CWC27: variants seen among roughly 807,000 people sequenced by gnomAD.
The protein encoded by CWC27 is CWC27 spliceosome associated cyclophilin, also known as spliceosome-associated protein CWC27 homolog.
CWC27 carries 47 observed loss-of-function variants against 63.6 expected under a neutral mutation model. The ratio of observed to expected loss-of-function variants is 0.74; its 90% CI spans 0.58 to 0.94. The LOEUF (loss-of-function observed/expected upper bound fraction) is 0.94. Among genes scored for constraint, CWC27 ranks in the 40% least tolerant of loss-of-function variants. The probability of loss-of-function intolerance (pLI) is 0.00; values close to 1 mark genes in which losing one functional copy is unlikely to be tolerated. For missense variants in CWC27, 495 were observed against 554.3 expected, an observed-to-expected ratio of 0.89 and a Z score of 1.07; for synonymous variants, 175 against 179.8, an observed-to-expected ratio of 0.97 and a Z score of 0.22.
At chr5:64,847,078 G>T (rs77445941) in intron 10 of CWC27, among the ~76,000 whole-genome samples, 53,187 of 150,838 alleles carry the variant, frequency 0.35, 9,803 homozygotes, top group East Asian at 0.51. Context: ...TGGATTAAAT[G>T]CTCTAATAAA....
intron 13 of CWC27, among the ~76,000 whole-genome samples, chr5:64,986,493 T>C (rs1749431200): frequency 6.6e-6 from 1 of 152,236 alleles, no homozygotes; most frequent in African/African-American, 2.4e-5. Context: ...TTTGTGGTTT[T>C]CTCTTCTTCT....
intron 11 of CWC27, among the ~76,000 whole-genome samples, chr5:64,897,583 G>C (rs1368862986): frequency 6.6e-6 from 1 of 152,076 alleles, no homozygotes; most frequent in African/African-American, 2.4e-5. Flanking sequence ...CACACACCAG[G>C]GTCGGTCAGA....
intron 10 of CWC27, among the ~76,000 whole-genome samples, chr5:64,856,579 G>T (rs2112304609): frequency 6.6e-6 from 1 of 151,814 alleles, no homozygotes; most frequent in South Asian, 2.1e-4. Flanking sequence ...GTGACATTTT[G>T]GAATAAGAAA....
rs534683698 is a variant in CWC27, at chr5:64,828,104, A to G, written c.938+23718A>G. Reference sequence around the variant, plus strand: ...CCCTCTTGGATAAGGCAGGGGGACTATGTATTCTCTAATAATTTTCAGAAT... The same window carrying G: ...CCCTCTTGGATAAGGCAGGGGGACTGTGTATTCTCTAATAATTTTCAGAAT... On this transcript the variant is annotated intron_variant, in intron 10 of 13. Transcript: ENST00000381070. Among the ~76,000 whole-genome samples, 3 of 152,212 alleles carry G rather than the reference A, an allele frequency of 2.0e-5. No homozygotes were observed. In the South Asian group the frequency reaches 6.2e-4, roughly 32 times the overall value.
intron 13 of CWC27, among the ~76,000 whole-genome samples, chr5:65,007,209 G>T (rs1749863154): frequency 6.6e-6 from 1 of 152,146 alleles, no homozygotes; most frequent in African/African-American, 2.4e-5. Context: ...GTCTTATCAT[G>T]AGAAAAATGT....
chr5:64,974,554 C>G (rs553609023), intron 12 of CWC27, among the ~76,000 whole-genome samples: 1 of 152,136 alleles, frequency 6.6e-6, no homozygotes. Context: ...CCCACTGGGT[C>G]CCTCCCATAA....
At chr5:64,882,197 T>C (rs1746955306) in intron 10 of CWC27, among the ~76,000 whole-genome samples, 1 of 152,190 alleles carries the variant, frequency 6.6e-6, no homozygotes, top group African/African-American at 2.4e-5. Context: ...GAAAATGATG[T>C]ACTTCAACAC....
chr5:65,018,284 G>A lies in CWC27; in HGVS notation c.1382G>A (p.Ser461Asn), dbSNP rs749052538. The A allele has an allele frequency of 5.0e-6, 8 of 1,598,690 alleles. No homozygotes were observed. Among genetic ancestry groups the A allele is most frequent in the Non-Finnish European group, 6.8e-6 (8 of 1,175,280 alleles). ...GTGAATAAAAGAAGGAGGGAAGAAA[G>A]CAAAAAGCTGATGAGAGAGAAAAAA... Reference protein sequence around the residue: ...NPVNKRRREESKKLMREKKER... With the variant: ...NPVNKRRREENKKLMREKKER... The change falls in exon 14 of 14, where the codon AGC (serine) becomes AAC (asparagine). Residue 461 changes from serine (S) to asparagine (N), a missense_variant. Transcript: ENST00000381070.
intron 10 of CWC27, among the ~76,000 whole-genome samples, chr5:64,843,189 G>A (rs1745889962): frequency 6.6e-6 from 1 of 152,136 alleles, no homozygotes; most frequent in African/African-American, 2.4e-5. Flanking sequence ...CCAGACATTA[G>A]CTTTATTTGT....
At chr5:64,847,285 G>T (rs1746008238) in intron 10 of CWC27, among the ~76,000 whole-genome samples, 1 of 152,082 alleles carries the variant, frequency 6.6e-6, no homozygotes, top group African/African-American at 2.4e-5. Context: ...CCCATAAAAT[G>T]AGACAAAGGA....
At chr5:64,991,542 T>C (rs1017510556) in intron 13 of CWC27, among the ~76,000 whole-genome samples, 12 of 151,948 alleles carry the variant, frequency 7.9e-5, no homozygotes, top group African/African-American at 2.9e-4. Flanking sequence ...CTGGGCAACA[T>C]AGCAACACAC....
chr5:64,891,751 C>T (rs1004531602), intron 11 of CWC27, among the ~76,000 whole-genome samples: 4 of 150,754 alleles, frequency 2.7e-5, no homozygotes, highest in African/African-American at 7.3e-5. Flanking sequence ...TTGCAGACCT[C>T]CTAGTGTTGC....
At chr5:64,920,865 C>A (rs1176167380) in intron 11 of CWC27, among the ~76,000 whole-genome samples, 3 of 151,788 alleles carry the variant, frequency 2.0e-5, no homozygotes, top group African/African-American at 7.3e-5. Flanking sequence ...GTTAATCTAC[C>A]TAGGGGTCTA....
chr5:64,778,160 G>GT (rs1324328750), intron 2 of CWC27, among the ~76,000 whole-genome samples: 4 of 152,234 alleles, frequency 2.6e-5, no homozygotes, highest in East Asian at 1.9e-4. Context: ...ATATATCTGG[G>GT]TTTTATGGAT....
Position 64,999,914 on chromosome 5 carries a change from CT to C in CWC27, c.1257-18244del, listed in dbSNP as rs549939540. Among the ~76,000 whole-genome samples the C allele has an allele frequency of 9.6e-3, 1,466 of 152,170 alleles. 10 individuals carry two copies. The highest frequency in any genetic ancestry group is 0.016 in the Non-Finnish European group (1,069 of 67,940). On this transcript the variant is annotated intron_variant, in intron 13 of 13. Coordinates refer to ENST00000381070, the MANE Select transcript of CWC27 (RefSeq NM_005869.4). ...TTTACCTTTCTGAGAAACCTCCATA[CT>C]GTTTTCCATGGTGGCTATACTAATT...
chr5:64,845,537 A>G (rs1055971469), intron 10 of CWC27, among the ~76,000 whole-genome samples: 1 of 152,224 alleles, frequency 6.6e-6, no homozygotes, highest in Non-Finnish European at 1.5e-5. Flanking sequence ...AATAGAAACA[A>G]TATAAAAGAA....
chr5:64,839,585 G>A (rs111565859), intron 10 of CWC27, among the ~76,000 whole-genome samples: 1,649 of 152,286 alleles, frequency 0.011, 25 homozygotes, highest in African/African-American at 0.038. Flanking sequence ...CCTGATGAGG[G>A]CAGGGCACTG....
At chr5:64,967,982 C>T (rs1051715152) in intron 11 of CWC27, among the ~76,000 whole-genome samples, 2 of 151,756 alleles carry the variant, frequency 1.3e-5, no homozygotes, top group African/African-American at 4.8e-5. Context: ...AAAGGGAAAT[C>T]AGACTGAGAT....
intron 11 of CWC27, among the ~76,000 whole-genome samples, chr5:64,952,456 A>G (rs1472306876): frequency 6.6e-6 from 1 of 152,010 alleles, no homozygotes; most frequent in East Asian, 1.9e-4. Flanking sequence ...GGTTCAGACA[A>G]GTAAGTTAGG....
Sources: gnomAD v4.1 joint callset for allele counts (sites outside exome capture counted in the v4.1 genomes callset) on GRCh38, gnomAD v4.1.1 for gene constraint, MANE v1.5 for transcripts, NCBI Gene and HGNC (gene_info 2026-07-23, HGNC 2026-07-21) for gene names.